Variants in RRAS observed in about 807,000 individuals in gnomAD.
RRAS encodes ras-related protein R-Ras.
RRAS carries 18 observed loss-of-function variants against 23.3 expected under a neutral mutation model. That is an observed-to-expected ratio of 0.77 (90% confidence interval 0.53 to 1.15). RRAS has a LOEUF of 1.15. Among genes scored for constraint, RRAS ranks in the 50% most tolerant of loss-of-function variants. The probability of loss-of-function intolerance (pLI) is 0.00; values close to 1 mark genes in which losing one functional copy is unlikely to be tolerated. For synonymous variants in RRAS, 133 were observed against 138.3 expected (o/e 0.96, Z 0.27); for missense variants, 291 against 317.1 (o/e 0.92, Z 0.62).
chr19:49,635,656 A>G lies in RRAS; in HGVS notation c.577T>C (p.Tyr193His). 6.8e-7 allele frequency: 1 copy of G among 1,467,922 alleles called. No individual in the cohort carries two copies. The highest frequency in any genetic ancestry group is 1.4e-5 in the African/African-American group (1 of 70,124). The allele number at this position is 1,467,922 out of a possible 1,614,324, so 90.9% of individuals were successfully genotyped here. The change falls in exon 6 of 6, where the codon TAC (tyrosine) becomes CAC (histidine). Residue 193 changes from tyrosine (Y) to histidine (H), a missense_variant. Transcript: ENST00000246792. ...CTCGGTGGGAGCTCTTGTTCCTGGTATTTCCTGTGGGAAAACGCCAGTGAG... is the reference window on the plus strand; with the variant it reads ...CTCGGTGGGAGCTCTTGTTCCTGGTGTTTCCTGTGGGAAAACGCCAGTGAG... Reference protein sequence around the residue: ...FEQLVRAVRKYQEQELPPSPP... With the variant: ...FEQLVRAVRKHQEQELPPSPP...
chr19:49,636,848 AC>A lies in RRAS; in HGVS notation c.319del (p.Val107CysfsTer127). The A allele has an allele frequency of 6.2e-7, 1 of 1,613,242 alleles. No individual in the cohort carries two copies. The highest frequency in any genetic ancestry group is 8.5e-7 in the Non-Finnish European group (1 of 1,179,958). On this transcript the variant is annotated frameshift_variant, in exon 3 of 6. Coordinates refer to ENST00000246792, the MANE Select transcript of RRAS (RefSeq NM_006270.5). LOFTEE classifies it high-confidence loss of function. This position sits in a 1 kb window ranked among gnomAD's most constrained non-coding sequence, Gnocchi z 4.5. Reference sequence around the variant, plus strand: ...CCTCTGCCGGTCGTTAATGGCGAACACCAGCAGGAAGCCGTGGCCAGCACGC... The same window carrying A: ...CCTCTGCCGGTCGTTAATGGCGAACACAGCAGGAAGCCGTGGCCAGCACGC... ...YMRAGHGFLLVFAINDRQSFN... is the reference protein window; with the variant it reads ...YMRAGHGFLLXFAINDRQSFN...
At position 49,636,721 on chromosome 19, in the gene RRAS, G is replaced by A. The variant is rs374077706; in HGVS notation, c.351C>T (p.Asn117=). The change falls in exon 4 of 6, where the codon AAC becomes AAT. Residue 117 remains asparagine (N), a synonymous_variant. Coordinates refer to ENST00000246792, the MANE Select transcript of RRAS (RefSeq NM_006270.5). The surrounding 1 kb of genome is among the most constrained non-coding windows in gnomAD (Gnocchi z 4.5). The part of the protein sequence containing the change: ...VFAINDRQSF[N]EVGKLFTQIL... ...TCTGCGTGAAGAGCTTGCCCACCTC[G>A]TTGAAACTGCGAGTGAAGCCGGAGG... 41 of 1,613,800 alleles carry A rather than the reference G, an allele frequency of 2.5e-5. No homozygotes were observed. The highest frequency in any genetic ancestry group is 3.2e-5 in the Non-Finnish European group (38 of 1,179,884).
chr19:49,640,068 G>T lies in RRAS; in HGVS notation c.31C>A (p.Arg11=). MSSGAASGTG[R]GRPRGGGPGP... is the part of the protein sequence containing the mutation. ...GGTCCCCCGCCCCGGGGCCGCCCCCGCCCTGTCCCGGACGCCGCCCCGCTG... is the reference window on the plus strand; with the variant it reads ...GGTCCCCCGCCCCGGGGCCGCCCCCTCCCTGTCCCGGACGCCGCCCCGCTG... The change falls in exon 1 of 6, where the codon CGG becomes AGG. Residue 11 remains arginine, a synonymous_variant. Transcript: ENST00000246792. 3 of 1,436,054 alleles carry T rather than the reference G, an allele frequency of 2.1e-6. No individual in the cohort carries two copies. Among genetic ancestry groups the T allele is most frequent in the Non-Finnish European group, 1.8e-6 (2 of 1,108,276 alleles). The allele number at this position is 1,436,054 out of a possible 1,614,324, so 89.0% of individuals were successfully genotyped here. A position where few individuals can be genotyped will look rare whatever the true frequency, so the allele number is the denominator to read the frequency against.
At chr19:49,638,161 G>T (rs1366109912) in intron 1 of RRAS, among the ~76,000 whole-genome samples, 1 of 152,096 alleles carries the variant, frequency 6.6e-6, no homozygotes, top group Non-Finnish European at 1.5e-5. Flanking sequence ...GAAGGTCCCG[G>T]TTCCAATCCG....
At chr19:49,639,755 G>C (rs965867838) in intron 1 of RRAS, among the ~76,000 whole-genome samples, 191 bp downstream of exon 1, 10 of 152,148 alleles carry the variant, frequency 6.6e-5, no homozygotes, top group African/African-American at 2.4e-4. Flanking sequence ...AGTGCAGAAG[G>C]AAGGGTCCCC....
Position 49,636,543 on chromosome 19 carries a change from G to T in RRAS, c.453+76C>A. On this transcript the variant is annotated intron_variant, in intron 4 of 5. Coordinates refer to ENST00000246792, the MANE Select transcript of RRAS (RefSeq NM_006270.5). The surrounding 1 kb of genome is among the most constrained non-coding windows in gnomAD (Gnocchi z 4.5). Reference sequence around the variant, plus strand: ...CAGCACTGCAGGAACAGAGGAGGATGCTGATGGGGGACAGGTGTGCTGGAA... The same window carrying T: ...CAGCACTGCAGGAACAGAGGAGGATTCTGATGGGGGACAGGTGTGCTGGAA... The T allele has an allele frequency of 2.9e-6, 3 of 1,019,960 alleles. No individual in the cohort carries two copies. The highest frequency in any genetic ancestry group is 3.1e-6 in the Non-Finnish European group (2 of 640,864). The allele number at this position is 1,019,960 out of a possible 1,614,324, so 63.2% of individuals were successfully genotyped here. A position where few individuals can be genotyped will look rare whatever the true frequency, so the allele number is the denominator to read the frequency against.
rs2080991901 is a variant in RRAS at position 49,635,549 on chromosome 19, GTGGTGGTTGCTTCTCTCTTGCC to G, written c.*5_*26del. 2 of 1,375,218 alleles carry G rather than the reference GTGGTGGTTGCTTCTCTCTTGCC, an allele frequency of 1.5e-6. No homozygotes were observed. The highest frequency in any genetic ancestry group is 5.2e-5 in the Admixed American group (2 of 38,280). The allele number at this position is 1,375,218 out of a possible 1,614,324, so 85.2% of individuals were successfully genotyped here. A position where few individuals can be genotyped will look rare whatever the true frequency, so the allele number is the denominator to read the frequency against. On this transcript the variant is annotated 3_prime_UTR_variant, in exon 6 of 6. Transcript: ENST00000246792. ...CGAAGGCAGCTAGTCCCGAGAGCTT[GTGGTGGTTGCTTCTCTCTTGCC>G]TGGGCTACAGGAGGACGCAGGGGCA... is the stretch of plus-strand genomic sequence containing the variant.
chr19:49,637,273 GGTCTCTGTCCC>G, intron 1 of RRAS, 143 bp from the exon 2 acceptor site: 2 of 640,404 alleles, frequency 3.1e-6, no homozygotes, highest in East Asian at 5.6e-5. Context: ...CTTTTCTCTG[GGTCTCTGTCCC>G]GTCTGTCTCT....
At position 49,636,517 on chromosome 19, in the gene RRAS, G is replaced by A. The variant is rs1056225304; in HGVS notation, c.453+102C>T. ...GGTGAGCTGTGTGACAGTGGCAGTC[G>A]CAGCACTGCAGGAACAGAGGAGGAT... On this transcript the variant is annotated intron_variant, in intron 4 of 5. Transcript: ENST00000246792. The surrounding 1 kb of genome is among the most constrained non-coding windows in gnomAD (Gnocchi z 4.5). 11 of 864,166 alleles carry A rather than the reference G, an allele frequency of 1.3e-5. No homozygotes were observed. In the African/African-American group the frequency reaches 1.5e-4, roughly 12 times the overall value. The allele number at this position is 864,166 out of a possible 1,614,324, so 53.5% of individuals were successfully genotyped here. A position where few individuals can be genotyped will look rare whatever the true frequency, so the allele number is the denominator to read the frequency against.
intron 1 of RRAS, among the ~76,000 whole-genome samples, chr19:49,639,628 G>T (rs1045625794): frequency 1.3e-5 from 2 of 151,688 alleles, no homozygotes; most frequent in African/African-American, 4.8e-5. Flanking sequence ...AGTGCTTAGG[G>T]TCCGAATGGG....
At chr19:49,637,181 G>T in intron 1 of RRAS, 51 bp from the exon 2 acceptor site, 2 of 1,394,090 alleles carry the variant, frequency 1.4e-6, no homozygotes, top group South Asian at 1.2e-5. Flanking sequence ...CAGACAGGAC[G>T]AAGCCCTGCC....
At chr19:49,637,164 G>A (rs1190883328) in intron 1 of RRAS, 34 bp from the exon 2 acceptor site, 1 of 1,530,604 alleles carries the variant, frequency 6.5e-7, no homozygotes, top group Non-Finnish European at 9.0e-7. Flanking sequence ...TTACTGCAGT[G>A]CCCCGGCAGA....
At chr19:49,637,176 A>G (rs1463330791) in intron 1 of RRAS, 46 bp from the exon 2 acceptor site, 2 of 1,443,062 alleles carry the variant, frequency 1.4e-6, no homozygotes, top group African/African-American at 1.4e-5. Flanking sequence ...CCCGGCAGAC[A>G]GGACGAAGCC....
rs901769495 is a variant in RRAS, at chr19:49,640,069, C to T, written c.30G>A (p.Gly10=). The T allele has an allele frequency of 5.6e-6, 8 of 1,436,480 alleles. No homozygotes were observed. Among genetic ancestry groups the T allele is most frequent in the African/African-American group, 3.0e-5 (2 of 66,128 alleles). The allele number at this position is 1,436,480 out of a possible 1,614,324, so 89.0% of individuals were successfully genotyped here. A position where few individuals can be genotyped will look rare whatever the true frequency, so the allele number is the denominator to read the frequency against. ...GTCCCCCGCCCCGGGGCCGCCCCCG[C>T]CCTGTCCCGGACGCCGCCCCGCTGC... MSSGAASGT[G]RGRPRGGGPG... The change falls in exon 1 of 6, where the codon GGG becomes GGA. Residue 10 remains glycine (G), a synonymous_variant. Coordinates refer to ENST00000246792, the MANE Select transcript of RRAS (RefSeq NM_006270.5).
Position 49,639,932 on chromosome 19 carries a change from T to G in RRAS, c.153+14A>C. 6.3e-7 allele frequency: 1 copy of G among 1,578,334 alleles called. No individual in the cohort carries two copies. Among genetic ancestry groups the G allele is most frequent in the Non-Finnish European group, 8.6e-7 (1 of 1,168,614 alleles). On this transcript the variant is annotated intron_variant, in intron 1 of 5. Transcript: ENST00000246792. ...GGGTCCCGGGGGACACCCTCCCGGG[T>G]GAGGGCCCACTACCTGGATGAACTG...
Position 49,639,964 on chromosome 19 carries a change from C to G in RRAS, c.135G>C (p.Leu45=), listed in dbSNP as rs1019026092. The G allele has an allele frequency of 3.8e-6, 6 of 1,591,436 alleles. No homozygotes were observed. Among genetic ancestry groups the G allele is most frequent in the Non-Finnish European group, 5.1e-6 (6 of 1,174,610 alleles). The change falls in exon 1 of 6, where the codon CTG becomes CTC. Residue 45 remains leucine (L), a synonymous_variant. Transcript: ENST00000246792. ...VGGGGVGKSA[L]TIQFIQSYFV... ...CCACTACCTGGATGAACTGGATGGT[C>G]AGCGCGCTCTTGCCCACGCCGCCGC...
chr19:49,635,766 G>A lies in RRAS; in HGVS notation c.540C>T (p.Asp180=), dbSNP rs781054110. The change falls in exon 5 of 6, where the codon GAC becomes GAT. Residue 180 remains aspartate (D), a synonymous_variant. Coordinates refer to ENST00000246792, the MANE Select transcript of RRAS (RefSeq NM_006270.5). ...CCCGCACCAGCTGCTCAAAAGCCTCGTCCACGTTGAGACGCAGTTTGGCCG... is the reference window on the plus strand; with the variant it reads ...CCCGCACCAGCTGCTCAAAAGCCTCATCCACGTTGAGACGCAGTTTGGCCG... ...EASAKLRLNV[D]EAFEQLVRAV... 1.7e-5 allele frequency: 27 copies of A among 1,594,460 alleles called. No individual in the cohort carries two copies. In the African/African-American group the frequency reaches 2.4e-4, roughly 14 times the overall value.
chr19:49,639,770 C>T (rs1031055769), intron 1 of RRAS, among the ~76,000 whole-genome samples, 176 bp downstream of exon 1: 1 of 152,008 alleles, frequency 6.6e-6, no homozygotes, highest in Non-Finnish European at 1.5e-5. Context: ...GTCCCCCGTG[C>T]AGGGGATGGA....
At chr19:49,638,507 T>A (rs2081007103) in intron 1 of RRAS, among the ~76,000 whole-genome samples, 1 of 151,420 alleles carries the variant, frequency 6.6e-6, no homozygotes, top group Admixed American at 6.6e-5. Flanking sequence ...AAGGGGGTGA[T>A]GTGGAGGCTA....
Sources: allele counts gnomAD v4.1 joint callset (sites outside exome capture counted in the v4.1 genomes callset), GRCh38; gene constraint gnomAD v4.1.1; non-coding constraint Gnocchi (gnomAD v3.1); transcripts MANE v1.5; gene names NCBI Gene and HGNC (gene_info 2026-07-23, HGNC 2026-07-21).